Variants in FNIP2 observed in about 807,000 individuals in gnomAD.
FNIP2 encodes folliculin-interacting protein 2.
A neutral mutation model predicts 108.7 loss-of-function variants in FNIP2; 32 were observed. The ratio of observed to expected loss-of-function variants is 0.29; its 90% CI spans 0.22 to 0.40. FNIP2 has a LOEUF of 0.40. Ranked by LOEUF, FNIP2 falls within the 10% of genes least tolerant of loss-of-function variation. The pLI is 1.00. For synonymous variants in FNIP2, 480 were observed against 496.7 expected (o/e 0.97, Z 0.45); for missense variants, 1,202 against 1,381.6 (o/e 0.87, Z 2.06).
intron 14 of FNIP2, among the ~76,000 whole-genome samples, chr4:158,874,907 C>T (rs1043763683): frequency 7.8e-6 from 1 of 128,822 alleles, no homozygotes; most frequent in Non-Finnish European, 1.6e-5. Flanking sequence ...AGTGAAACCC[C>T]GTCTCTACTA....
chr4:158,834,047 A>C (rs761303316), intron 6 of FNIP2: 2 of 341,464 alleles, frequency 5.9e-6, no homozygotes, highest in Non-Finnish European at 1.0e-5. Context: ...TGGTGTTTCG[A>C]AAATTCTGCC....
chr4:158,907,129 C>T lies in FNIP2; in HGVS notation c.*2585C>T, dbSNP rs1729910661. On this transcript the variant is annotated 3_prime_UTR_variant, in exon 17 of 17. Transcript: ENST00000264433. ...AAATGTCCCTGTGATGGACCTCTTT[C>T]TAGCATGTTGCAGTTTTATTTTTAA... 1 of 152,174 alleles carries T rather than the reference C, an allele frequency of 6.6e-6. No individual in the cohort carries two copies. Among genetic ancestry groups the T allele is most frequent in the Admixed American group, 6.5e-5 (1 of 15,280 alleles). The allele number at this position is 152,174 out of a possible 1,614,324, so 9.4% of individuals were successfully genotyped here. A position where few individuals can be genotyped will look rare whatever the true frequency, so the allele number is the denominator to read the frequency against.
At chr4:158,815,840 C>A (rs1777538068) in intron 1 of FNIP2, among the ~76,000 whole-genome samples, 1 of 152,028 alleles carries the variant, frequency 6.6e-6, no homozygotes, top group Non-Finnish European at 1.5e-5. Context: ...TCGTTCCAGT[C>A]AAAAATATGT....
chr4:158,838,197 A>T (rs1283994719), intron 7 of FNIP2, among the ~76,000 whole-genome samples: 1 of 151,378 alleles, frequency 6.6e-6, no homozygotes, highest in Non-Finnish European at 1.5e-5. Flanking sequence ...AATTAAAGAC[A>T]TAAAGATATT....
chr4:158,826,686 A>G (rs1189395015), intron 2 of FNIP2, among the ~76,000 whole-genome samples: 1 of 152,080 alleles, frequency 6.6e-6, no homozygotes, highest in Non-Finnish European at 1.5e-5. Context: ...GCAGCTCTTG[A>G]TCCCTTGGAA....
chr4:158,791,911 G>A (rs1436806849), intron 1 of FNIP2, among the ~76,000 whole-genome samples: 1 of 152,066 alleles, frequency 6.6e-6, no homozygotes, highest in African/African-American at 2.4e-5. Context: ...CTGTCCTTAG[G>A]GGATAACAGA....
At chr4:158,848,994 A>G (rs1029344015) in intron 7 of FNIP2, among the ~76,000 whole-genome samples, 7 of 152,160 alleles carry the variant, frequency 4.6e-5, no homozygotes, top group Non-Finnish European at 8.8e-5. Context: ...TCACAGACCA[A>G]AGGGGAAAAC....
chr4:158,897,343 T>C (rs1332901751), intron 16 of FNIP2, among the ~76,000 whole-genome samples: 1 of 152,228 alleles, frequency 6.6e-6, no homozygotes, highest in Non-Finnish European at 1.5e-5. Flanking sequence ...TTATAATCCT[T>C]TGGGTATATA....
chr4:158,833,754 T>C, intron 6 of FNIP2, 126 bp downstream of exon 6: 1 of 1,481,312 alleles, frequency 6.8e-7, no homozygotes. Flanking sequence ...TTTATTTTTT[T>C]TGTATGTGTA....
intron 7 of FNIP2, among the ~76,000 whole-genome samples, chr4:158,848,792 T>A (rs979130558): frequency 1.3e-5 from 2 of 152,152 alleles, no homozygotes; most frequent in Admixed American, 6.5e-5. Flanking sequence ...TTAAAAAGAA[T>A]CAAGCAGAAA....
chr4:158,809,413 C>T (rs993734668), intron 1 of FNIP2, among the ~76,000 whole-genome samples: 4 of 152,140 alleles, frequency 2.6e-5, no homozygotes, highest in African/African-American at 2.4e-5. Context: ...GAGCCGAGAT[C>T]GTGCCACTGC....
chr4:158,847,268 G>T (rs570736791), intron 7 of FNIP2, among the ~76,000 whole-genome samples: 1 of 152,116 alleles, frequency 6.6e-6, no homozygotes, highest in Non-Finnish European at 1.5e-5. Context: ...TACACCAGCC[G>T]GGGCAACTAA....
rs1485965963 is a variant in FNIP2, at chr4:158,868,585, G to A, written c.1949G>A (p.Gly650Glu). 6.2e-7 allele frequency: 1 copy of A among 1,613,418 alleles called. No individual in the cohort carries two copies. Among genetic ancestry groups the A allele is most frequent in the African/African-American group, 1.3e-5 (1 of 74,898 alleles). The part of the protein sequence containing the change: ...ASWKPQNAFC[G>E]DEKNKEAPQD... ...TGGAAACCTCAGAATGCATTTTGTG[G>A]GGATGAGAAAAATAAAGAGGCACCG... Residue 650 changes from glycine (G) to glutamate (E), a missense_variant, in exon 13 of 17, where the codon GGG (glycine) becomes GAG (glutamate). Physicochemically the swap from Gly to Glu is moderately conservative, Grantham distance 98. Transcript: ENST00000264433. The surrounding 1 kb of genome is among the most constrained non-coding windows in gnomAD (Gnocchi z 4.6).
chr4:158,799,983 C>G (rs765980101), intron 1 of FNIP2, among the ~76,000 whole-genome samples: 1 of 152,072 alleles, frequency 6.6e-6, no homozygotes, highest in African/African-American at 2.4e-5. Context: ...ATACGCAGTG[C>G]CTTTTCTTGT....
intron 16 of FNIP2, among the ~76,000 whole-genome samples, chr4:158,898,141 TG>T (rs1479882106): frequency 6.6e-6 from 1 of 152,150 alleles, no homozygotes; most frequent in Non-Finnish European, 1.5e-5. Context: ...AAAGATCAGA[TG>T]GTTGTAGATG....
intron 1 of FNIP2, among the ~76,000 whole-genome samples, chr4:158,798,093 C>A (rs1224191977): frequency 6.6e-6 from 1 of 152,076 alleles, no homozygotes; most frequent in Non-Finnish European, 1.5e-5. Flanking sequence ...GAGACAGGGT[C>A]TTGCCCTGTC....
intron 14 of FNIP2, among the ~76,000 whole-genome samples, chr4:158,875,979 ATGTG>A (rs780256092): frequency 9.9e-5 from 15 of 152,232 alleles, no homozygotes; most frequent in Non-Finnish European, 1.6e-4. Flanking sequence ...CCTTTGTATT[ATGTG>A]TGTGTGTATT....
rs759086779 is a variant in FNIP2, at chr4:158,904,537, T to G, written c.3338T>G (p.Leu1113Arg). 1 of 1,612,630 alleles carries G rather than the reference T, an allele frequency of 6.2e-7. No homozygotes were observed. Among genetic ancestry groups the G allele is most frequent in the East Asian group, 2.2e-5 (1 of 44,852 alleles). ...STHSPYVAQI[L>R]L ...CATTCTCCTTATGTGGCTCAAATAC[T>G]CTTATAAGCTAAAGCTCAGGACAGT... Residue 1113 changes from leucine (L) to arginine (R), a missense_variant, in exon 17 of 17, where the codon CTC becomes CGC. Around this residue, in one of 5 missense-constraint regions of FNIP2, gnomAD observed 142 missense variants for 183.8 expected, o/e 0.77. Coordinates refer to ENST00000264433, the MANE Select transcript of FNIP2 (RefSeq NM_020840.3).
chr4:158,880,221 A>G (rs894749477), intron 14 of FNIP2, among the ~76,000 whole-genome samples: 13 of 152,142 alleles, frequency 8.5e-5, no homozygotes, highest in Admixed American at 5.2e-4. Context: ...AGACTGGATT[A>G]AGAAAATGTG....
Sources: allele counts gnomAD v4.1 joint callset (sites outside exome capture counted in the v4.1 genomes callset), GRCh38; gene constraint gnomAD v4.1.1; regional missense constraint gnomAD v4.1.1; non-coding constraint Gnocchi (gnomAD v3.1); transcripts MANE v1.5; gene names NCBI Gene and HGNC (gene_info 2026-07-23, HGNC 2026-07-21).